TTC12: variants seen among roughly 807,000 people sequenced by gnomAD.
TTC12 encodes tetratricopeptide repeat domain 12.
In TTC12, 70 loss-of-function variants were observed where a neutral mutation model predicts 90.1. That is an observed-to-expected ratio of 0.78 (90% CI 0.64 to 0.95). The LOEUF is 0.95. Ranked by LOEUF, TTC12 falls within the 40% of genes least tolerant of loss-of-function variation. The pLI is 0.00. For missense variants in TTC12, 819 were observed against 846.1 expected (o/e 0.97, Z 0.40); for synonymous variants, 296 against 311.5 (o/e 0.95, Z 0.53).
At chr11:113,317,227 A>G (rs73572791) in intron 2 of TTC12, among the ~76,000 whole-genome samples, 26,715 of 152,104 alleles carry the variant, frequency 0.18, 3,081 homozygotes, top group African/African-American at 0.32. Context: ...CTCTGCCTCT[A>G]TGGTACTGTC....
chr11:113,334,177 C>G (rs1555143337), intron 7 of TTC12, among the ~76,000 whole-genome samples: 1 of 152,198 alleles, frequency 6.6e-6, no homozygotes, highest in Non-Finnish European at 1.5e-5. Flanking sequence ...TGAAGGGCAT[C>G]TGATTTGGCA....
At chr11:113,341,813 A>T (rs1565599699) in intron 11 of TTC12, 24 bp from the exon 12 acceptor site, 1 of 1,571,202 alleles carries the variant, frequency 6.4e-7, no homozygotes, top group Non-Finnish European at 8.8e-7. Flanking sequence ...GACTTTTAAG[A>T]TAGCTCTCCT....
chr11:113,334,912 G>T (rs1336723621), intron 7 of TTC12, 54 bp from the exon 8 acceptor site: 2 of 1,413,890 alleles, frequency 1.4e-6, no homozygotes, highest in Non-Finnish European at 2.0e-6. Context: ...GAGGGGAGTG[G>T]CTAATGACTT....
At chr11:113,316,676 C>T (rs1946958558) in intron 2 of TTC12, among the ~76,000 whole-genome samples, 2 of 152,212 alleles carry the variant, frequency 1.3e-5, no homozygotes, top group South Asian at 4.1e-4. Flanking sequence ...GAGATTCCTC[C>T]CGTTTTAGAG....
At chr11:113,350,581 G>A (rs149830837) in intron 14 of TTC12, among the ~76,000 whole-genome samples, 56 of 152,382 alleles carry the variant, frequency 3.7e-4, no homozygotes, top group Admixed American at 2.6e-3. Flanking sequence ...GGTTGCCAGT[G>A]ACATTATGAG....
chr11:113,332,551 T>C (rs1948125514), intron 7 of TTC12, among the ~76,000 whole-genome samples: 1 of 152,194 alleles, frequency 6.6e-6, no homozygotes, highest in African/African-American at 2.4e-5. Flanking sequence ...TCCTCAATTT[T>C]ATCCTTTGTG....
chr11:113,359,510 C>T (rs782099783), intron 17 of TTC12, 49 bp downstream of exon 17: 2 of 1,226,330 alleles, frequency 1.6e-6, no homozygotes, highest in Non-Finnish European at 2.4e-6. Flanking sequence ...AACCTGTACA[C>T]ATTCTGTGGC....
intron 13 of TTC12, 82 bp downstream of exon 13, chr11:113,344,522 T>A: frequency 7.2e-7 from 1 of 1,383,384 alleles, no homozygotes; most frequent in East Asian, 2.3e-5. Context: ...TCCCCTCCTA[T>A]CTCTGTTGTG....
intron 21 of TTC12, among the ~76,000 whole-genome samples, chr11:113,372,723 A>G (rs780336311): frequency 9.9e-5 from 15 of 152,220 alleles, no homozygotes; most frequent in Admixed American, 2.0e-4. Flanking sequence ...TGGCCTTTGC[A>G]CATAAACCAT....
chr11:113,343,200 T>C (rs1948773402), intron 12 of TTC12, among the ~76,000 whole-genome samples: 1 of 152,160 alleles, frequency 6.6e-6, no homozygotes, highest in Non-Finnish European at 1.5e-5. Flanking sequence ...ATGTATAATA[T>C]TTTACACATT....
At chr11:113,322,106 T>A (rs782556024) in intron 2 of TTC12, among the ~76,000 whole-genome samples, 44 of 152,334 alleles carry the variant, frequency 2.9e-4, no homozygotes, top group Admixed American at 8.5e-4. Flanking sequence ...GAAACAAAAA[T>A]ATTATATTAC....
Position 113,352,189 on chromosome 11 carries a change from T to C in TTC12, c.1428T>C (p.Asp476=), listed in dbSNP as rs782769246. The part of the protein sequence containing the change: ...RHMAACEEFG[D]GCLSLLARCE... ...TGGCGGCCTGTGAGGAATTTGGGGA[T>C]GGCTGCTTGAGCCTCCTGGTATGTT... Residue 476 remains aspartate (D), a synonymous_variant, in exon 16 of 22, where the codon GAT becomes GAC. Transcript: ENST00000529221. The C allele has an allele frequency of 2.5e-6, 4 of 1,614,122 alleles. No homozygotes were observed. In the African/African-American group the frequency reaches 4.0e-5, roughly 16 times the overall value.
chr11:113,371,343 G>A (rs562919240), downstream of TTC12: 3 of 152,170 alleles, frequency 2.0e-5, no homozygotes, highest in Non-Finnish European at 4.4e-5. Flanking sequence ...TATGTAAATA[G>A]TGGATATACT....
At chr11:113,341,816 G>C in intron 11 of TTC12, 21 bp from the exon 12 acceptor site, 1 of 1,578,352 alleles carries the variant, frequency 6.3e-7, no homozygotes, top group Non-Finnish European at 8.7e-7. Context: ...TTTTAAGATA[G>C]CTCTCCTTTG....
rs559112433 is a variant in TTC12, at chr11:113,325,224, A to G, written c.323-300A>G. 9.2e-5 allele frequency among the ~76,000 whole-genome samples: 14 copies of G among 152,188 alleles called. No individual in the cohort carries two copies. In the East Asian group the frequency reaches 2.5e-3, roughly 27 times the overall value. The stretch of plus-strand genomic sequence containing the variant: ...GAAAATTAATTATTTGACCCTCTTT[A>G]TGAGACACCGAATGCACAGATTTGG... On this transcript the variant is annotated intron_variant, in intron 5 of 21. Coordinates refer to ENST00000529221, the MANE Select transcript of TTC12 (RefSeq NM_017868.4).
intron 14 of TTC12, among the ~76,000 whole-genome samples, chr11:113,350,942 A>G (rs1455928018): frequency 1.3e-5 from 2 of 152,208 alleles, no homozygotes; most frequent in Non-Finnish European, 2.9e-5. Context: ...GACTCAGAGC[A>G]GGGGTTGGGG....
Position 113,316,296 on chromosome 11 carries a change from T to A in TTC12, c.39T>A (p.Leu13=). ...AAGAGAAAGATTTGCAGAAATTTCT[T>A]AAAAATGTGGATGAAATCTGTAAGT... ...ADKEKDLQKF[L]KNVDEISNLI... is the part of the protein sequence containing the mutation. Residue 13 remains leucine (L), a synonymous_variant, in exon 2 of 22, where the codon CTT becomes CTA. Transcript: ENST00000529221. The A allele has an allele frequency of 6.8e-7, 1 of 1,470,040 alleles. No homozygotes were observed. The allele number at this position is 1,470,040 out of a possible 1,614,324, so 91.1% of individuals were successfully genotyped here. A position where few individuals can be genotyped will look rare whatever the true frequency, so the allele number is the denominator to read the frequency against.
chr11:113,338,442 C>A (rs1555144730), intron 8 of TTC12, among the ~76,000 whole-genome samples: 1 of 152,172 alleles, frequency 6.6e-6, no homozygotes, highest in African/African-American at 2.4e-5. Flanking sequence ...TTTCTCAGTG[C>A]AAATATCATA....
At chr11:113,338,662 A>G in intron 8 of TTC12, 112 bp from the exon 9 acceptor site, 1 of 745,042 alleles carries the variant, frequency 1.3e-6, no homozygotes, top group Non-Finnish European at 2.3e-6. Context: ...CACTGGGAGC[A>G]GGAGGAGGTG....
Sources: gnomAD v4.1 joint callset for allele counts (sites outside exome capture counted in the v4.1 genomes callset) on GRCh38, gnomAD v4.1.1 for gene constraint, MANE v1.5 for transcripts, NCBI Gene and HGNC (gene_info 2026-07-23, HGNC 2026-07-21) for gene names.